BCHE: variants seen among roughly 807,000 people sequenced by gnomAD.
The protein encoded by BCHE is butyrylcholinesterase.
Under a neutral mutation model 51.3 loss-of-function variants are expected in BCHE, and 48 were observed. The ratio of observed to expected loss-of-function variants is 0.94; its 90% CI spans 0.74 to 1.19. The LOEUF is 1.19. Ranked by LOEUF, BCHE falls within the 50% of genes most tolerant of loss-of-function variation. BCHE has a pLI of 0.00. For missense variants in BCHE, 847 were observed against 708.2 expected (o/e 1.20, Z -2.23); for synonymous variants, 251 against 238.0 (o/e 1.05, Z -0.50).
chr3:165,791,228 G>A (rs1345145776), intron 2 of BCHE, among the ~76,000 whole-genome samples: 1 of 151,602 alleles, frequency 6.6e-6, no homozygotes, highest in Non-Finnish European at 1.5e-5. Flanking sequence ...CCGGGAGGTG[G>A]AGGTTGCAAT....
At chr3:165,821,844 G>A (rs1187532591) in intron 2 of BCHE, among the ~76,000 whole-genome samples, 3 of 151,766 alleles carry the variant, frequency 2.0e-5, no homozygotes, top group Admixed American at 2.0e-4. Context: ...GCATGTAATT[G>A]TCTTACCCAC....
In BCHE at chr3:165,792,344, C is replaced by A. The variant is rs548989228; in HGVS notation, c.1518-6033G>T. Among the ~76,000 whole-genome samples, 4 of 151,754 alleles carry A rather than the reference C, an allele frequency of 2.6e-5. No individual in the cohort carries two copies. The South Asian group carries it at 8.4e-4, about 32-fold the overall frequency. Reference sequence around the variant, plus strand: ...AAATTTTCTTTTAGGAAAAATTACCCGGAAAAGAGTTAACCGAAACAATTT... The same window carrying A: ...AAATTTTCTTTTAGGAAAAATTACCAGGAAAAGAGTTAACCGAAACAATTT... On this transcript the variant is annotated intron_variant, in intron 2 of 3. Transcript: ENST00000264381.
intron 2 of BCHE, among the ~76,000 whole-genome samples, chr3:165,787,604 C>G (rs1713003695): frequency 2.0e-5 from 3 of 151,762 alleles, no homozygotes; most frequent in Non-Finnish European, 4.4e-5. Context: ...GTCGGGAAAG[C>G]TAGAAAAAGG....
chr3:165,786,531 G>A (rs1712961229), intron 2 of BCHE, among the ~76,000 whole-genome samples: 1 of 151,676 alleles, frequency 6.6e-6, no homozygotes, highest in Non-Finnish European at 1.5e-5. Flanking sequence ...ATTTAAAGTT[G>A]AATTTTTTAT....
chr3:165,793,016 G>T (rs1438690129), intron 2 of BCHE, among the ~76,000 whole-genome samples: 2 of 152,100 alleles, frequency 1.3e-5, no homozygotes, highest in Admixed American at 1.3e-4. Context: ...CTGTGAAGAA[G>T]ATTTTTTTAG....
At chr3:165,790,402 C>A (rs1412205737) in intron 2 of BCHE, among the ~76,000 whole-genome samples, 3 of 152,114 alleles carry the variant, frequency 2.0e-5, no homozygotes, top group Non-Finnish European at 4.4e-5. Context: ...TTGGAACATT[C>A]TAAGTCCAAG....
At chr3:165,810,487 G>C (rs562259966) in intron 2 of BCHE, among the ~76,000 whole-genome samples, 3 of 152,126 alleles carry the variant, frequency 2.0e-5, no homozygotes, top group South Asian at 2.1e-4. Context: ...CTTAACATTG[G>C]TTCTTATTTT....
intron 2 of BCHE, among the ~76,000 whole-genome samples, chr3:165,804,037 G>T (rs1374917785): frequency 7.1e-6 from 1 of 140,676 alleles, no homozygotes; most frequent in Non-Finnish European, 1.6e-5. Context: ...AGACTAAAAT[G>T]GTAAGCCTAG....
intron 1 of BCHE, among the ~76,000 whole-genome samples, chr3:165,832,222 G>T (rs978645565): frequency 1.3e-5 from 2 of 152,060 alleles, no homozygotes; most frequent in African/African-American, 4.8e-5. Context: ...CAATAAAAAA[G>T]AAATTAAAAA....
At chr3:165,832,459 A>T (rs575761454) in intron 1 of BCHE, among the ~76,000 whole-genome samples, 3 of 151,970 alleles carry the variant, frequency 2.0e-5, no homozygotes, top group Non-Finnish European at 4.4e-5. Flanking sequence ...CACCCAGGTA[A>T]TTTTTGTATT....
intron 2 of BCHE, among the ~76,000 whole-genome samples, chr3:165,789,852 G>C (rs754320362): frequency 6.6e-6 from 1 of 152,086 alleles, no homozygotes; most frequent in Non-Finnish European, 1.5e-5. Context: ...TATTTATAAA[G>C]TGTGTACTAG....
chr3:165,786,160 CTT>C lies in BCHE; in HGVS notation c.1667_1668del (p.Lys556SerfsTer9), dbSNP rs1560004444. The stretch of plus-strand genomic sequence containing the variant: ...ACAGACACACCTGTCATTTCCAAGA[CTT>C]TTGGAAAAAATGATGTCCAGAATCG... ...QCRFWTSFFPKVLEMTGNIDE... is the reference protein window; with the variant it reads ...QCRFWTSFFPXVLEMTGNIDE... On this transcript the variant is annotated frameshift_variant, in exon 3 of 4. Transcript: ENST00000264381. LOFTEE classifies it high-confidence loss of function. 1 of 1,611,808 alleles carries C rather than the reference CTT, an allele frequency of 6.2e-7. No individual in the cohort carries two copies. The highest frequency in any genetic ancestry group is 1.7e-5 in the Admixed American group (1 of 59,910).
intron 2 of BCHE, among the ~76,000 whole-genome samples, 183 bp downstream of exon 2, chr3:165,829,334 C>T (rs1251696860): frequency 6.6e-6 from 1 of 151,986 alleles, no homozygotes; most frequent in African/African-American, 2.4e-5. Context: ...ATGATTTAAA[C>T]ACTCTGACAC....
intron 2 of BCHE, among the ~76,000 whole-genome samples, chr3:165,825,146 T>A (rs1461357712): frequency 3.3e-5 from 5 of 152,056 alleles, no homozygotes; most frequent in Admixed American, 6.6e-5. Context: ...ATGAGACCAT[T>A]TAGTGGGACA....
intron 2 of BCHE, among the ~76,000 whole-genome samples, chr3:165,802,517 G>T (rs1415625003): frequency 6.6e-6 from 1 of 152,034 alleles, no homozygotes; most frequent in South Asian, 2.1e-4. Flanking sequence ...CTCAGATTAG[G>T]CTTGTAGTTC....
chr3:165,798,730 T>C (rs888173771), intron 2 of BCHE, among the ~76,000 whole-genome samples: 2 of 152,158 alleles, frequency 1.3e-5, no homozygotes, highest in Non-Finnish European at 2.9e-5. Flanking sequence ...GTGCTTATAA[T>C]CCTAGCTACT....
At chr3:165,776,913 TTATC>T (rs1251654138) in intron 3 of BCHE, among the ~76,000 whole-genome samples, 4 of 151,762 alleles carry the variant, frequency 2.6e-5, no homozygotes, top group Non-Finnish European at 2.9e-5. Context: ...CACATAGTAT[TTATC>T]CATTGACCTC....
chr3:165,833,438 T>C (rs1365264437), intron 1 of BCHE, among the ~76,000 whole-genome samples: 1 of 152,130 alleles, frequency 6.6e-6, no homozygotes, highest in African/African-American at 2.4e-5. Flanking sequence ...CTGTATAACA[T>C]GTTCCTGAAT....
At chr3:165,821,438 A>T (rs1157260127) in intron 2 of BCHE, among the ~76,000 whole-genome samples, 2 of 151,274 alleles carry the variant, frequency 1.3e-5, no homozygotes, top group Non-Finnish European at 3.0e-5. Context: ...ATTCCAATTA[A>T]AAAAAAAGAG....
Sources: gnomAD v4.1 joint callset for allele counts (sites outside exome capture counted in the v4.1 genomes callset) on GRCh38, gnomAD v4.1.1 for gene constraint, MANE v1.5 for transcripts, NCBI Gene and HGNC (gene_info 2026-07-23, HGNC 2026-07-21) for gene names.